The following DEFB123 variants were observed in gnomAD, a reference collection of about 807,000 sequenced individuals.
DEFB123 encodes beta-defensin 123.
For synonymous variants in DEFB123, 22 were observed against 28.3 expected (o/e 0.78, Z 0.71); for missense variants, 71 against 75.0 (o/e 0.95, Z 0.20).
At chr20:31,442,690 C>G (rs1452949269) in intron 1 of DEFB123, among the ~76,000 whole-genome samples, 1 of 147,244 alleles carries the variant, frequency 6.8e-6, no homozygotes, top group Non-Finnish European at 1.5e-5. Context: ...CTCACTGCAA[C>G]CTCCACCTCC....
At chr20:31,442,207 A>G (rs1039304980) in intron 1 of DEFB123, among the ~76,000 whole-genome samples, 9 of 152,242 alleles carry the variant, frequency 5.9e-5, no homozygotes, top group African/African-American at 1.9e-4. Flanking sequence ...TTTCTGTTTT[A>G]AAATGATTTC....
intron 1 of DEFB123, among the ~76,000 whole-genome samples, chr20:31,441,360 A>C (rs562498922): frequency 1.2e-4 from 18 of 152,190 alleles, no homozygotes; most frequent in Non-Finnish European, 1.9e-4. Flanking sequence ...GAGTCCTAAA[A>C]AGTGAGTCGA....
intron 1 of DEFB123, among the ~76,000 whole-genome samples, chr20:31,447,731 C>T (rs1979625260): frequency 6.6e-6 from 1 of 150,644 alleles, no homozygotes; most frequent in Non-Finnish European, 1.5e-5. Context: ...ATCCTCCCAC[C>T]TCAGCCTCCC....
intron 1 of DEFB123, among the ~76,000 whole-genome samples, chr20:31,444,749 A>T (rs1285378238): frequency 6.6e-6 from 1 of 152,186 alleles, no homozygotes; most frequent in Non-Finnish European, 1.5e-5. Context: ...GTGCAGCTTA[A>T]TGGAGGTTAT....
In DEFB123 at chr20:31,443,897, T is replaced by C. The variant is rs566342620; in HGVS notation, c.58+3141T>C. On this transcript the variant is annotated intron_variant, in intron 1 of 1. Transcript: ENST00000376309. ...CTGGACCCTCAGCCTTAGCCTCCTATAGCTTATGATGAAGTGGTATTGTCT... is the reference window on the plus strand; with the variant it reads ...CTGGACCCTCAGCCTTAGCCTCCTACAGCTTATGATGAAGTGGTATTGTCT... 3.9e-5 allele frequency among the ~76,000 whole-genome samples: 6 copies of C among 152,330 alleles called. No individual in the cohort carries two copies. The East Asian group carries it at 1.2e-3, about 29-fold the overall frequency.
chr20:31,446,649 G>C (rs540494207), intron 1 of DEFB123, among the ~76,000 whole-genome samples: 11 of 152,262 alleles, frequency 7.2e-5, no homozygotes, highest in Non-Finnish European at 1.2e-4. Context: ...TCTTGAATTC[G>C]TTCTAAGTTT....
intron 1 of DEFB123, among the ~76,000 whole-genome samples, chr20:31,442,379 G>T (rs1436012877): frequency 1.3e-5 from 2 of 152,148 alleles, no homozygotes; most frequent in Non-Finnish European, 2.9e-5. Flanking sequence ...CAGTTGAATG[G>T]ATTTCTTGTT....
chr20:31,441,251 C>T (rs1001690792), intron 1 of DEFB123, among the ~76,000 whole-genome samples: 2 of 152,062 alleles, frequency 1.3e-5, no homozygotes, highest in African/African-American at 2.4e-5. Flanking sequence ...CATTTATAAC[C>T]CAGGGTGACA....
chr20:31,449,917 G>A, intron 1 of DEFB123, 112 bp from the exon 2 acceptor site: 1 of 1,334,766 alleles, frequency 7.5e-7, no homozygotes, highest in Admixed American at 2.8e-5. Flanking sequence ...TCAAAGGCAA[G>A]GGAAACAAGG....
At chr20:31,442,062 G>A (rs1454586069) in intron 1 of DEFB123, among the ~76,000 whole-genome samples, 2 of 152,188 alleles carry the variant, frequency 1.3e-5, no homozygotes, top group Non-Finnish European at 2.9e-5. Context: ...TTAGTGGTGG[G>A]AGGAGCAGGA....
rs544937846 is a variant in DEFB123, at chr20:31,444,333, A to G, written c.58+3577A>G. Among the ~76,000 whole-genome samples the G allele has an allele frequency of 1.2e-4, 18 of 149,156 alleles. No homozygotes were observed. The South Asian group carries it at 3.5e-3, about 29-fold the overall frequency. On this transcript the variant is annotated intron_variant, in intron 1 of 1. Coordinates refer to ENST00000376309, the MANE Select transcript of DEFB123 (RefSeq NM_153324.4). ...CCTGAGTTCGTTCTTTATAATTTTT[A>G]TCATACTCTAGTTAATCAAATATCT... is the stretch of plus-strand genomic sequence containing the variant.
intron 1 of DEFB123, among the ~76,000 whole-genome samples, chr20:31,449,234 T>C (rs1039439246): frequency 1.3e-5 from 2 of 151,542 alleles, no homozygotes; most frequent in African/African-American, 4.9e-5. Context: ...GCCTGAAAAA[T>C]ATTTTTACAC....
rs193136778 is a variant in DEFB123, at chr20:31,443,547, G to A, written c.58+2791G>A. ...GTCTTCTGCGTTGGCAATTTCTTTCGACCAATCTGGGTATTCATAGCAAGA... is the reference window on the plus strand; with the variant it reads ...GTCTTCTGCGTTGGCAATTTCTTTCAACCAATCTGGGTATTCATAGCAAGA... On this transcript the variant is annotated intron_variant, in intron 1 of 1. Coordinates refer to ENST00000376309, the MANE Select transcript of DEFB123 (RefSeq NM_153324.4). 2.4e-4 allele frequency among the ~76,000 whole-genome samples: 36 copies of A among 152,264 alleles called. No individual in the cohort carries two copies. The East Asian group carries it at 2.7e-3, about 11-fold the overall frequency.
At chr20:31,444,588 G>A (rs1342987511) in intron 1 of DEFB123, among the ~76,000 whole-genome samples, 2 of 152,152 alleles carry the variant, frequency 1.3e-5, no homozygotes, top group Non-Finnish European at 2.9e-5. Context: ...CTAAAAAAGT[G>A]TATGAGTGTC....
At chr20:31,448,088 A>AT (rs911918371) in intron 1 of DEFB123, among the ~76,000 whole-genome samples, 31 of 151,314 alleles carry the variant, frequency 2.0e-4, no homozygotes, top group Non-Finnish European at 3.5e-4. Context: ...GTCTGGCCTA[A>AT]TTTTTTTATT....
intron 1 of DEFB123, among the ~76,000 whole-genome samples, chr20:31,446,660 T>C (rs1398757917): frequency 6.6e-6 from 1 of 152,212 alleles, no homozygotes; most frequent in East Asian, 1.9e-4. Flanking sequence ...TTCTAAGTTT[T>C]ACAGCAGACA....
In DEFB123 at chr20:31,440,684, T is replaced by G; in HGVS notation, c.-15T>G. On this transcript the variant is annotated 5_prime_UTR_variant, in exon 1 of 2. Coordinates refer to ENST00000376309, the MANE Select transcript of DEFB123 (RefSeq NM_153324.4). Reference sequence around the variant, plus strand: ...TGGCATCGGACTTGCAGCTTCATTTTGGGCTGCCTTAGCCATGAAGCTCCT... The same window carrying G: ...TGGCATCGGACTTGCAGCTTCATTTGGGGCTGCCTTAGCCATGAAGCTCCT... The G allele has an allele frequency of 1.2e-6, 2 of 1,613,694 alleles. No individual in the cohort carries two copies. Among genetic ancestry groups the G allele is most frequent in the Admixed American group, 1.7e-5 (1 of 60,028 alleles).
chr20:31,446,015 A>T (rs1979577486), intron 1 of DEFB123, among the ~76,000 whole-genome samples: 1 of 152,182 alleles, frequency 6.6e-6, no homozygotes, highest in Non-Finnish European at 1.5e-5. Flanking sequence ...AACCTTTGAT[A>T]GCTTACTTGT....
chr20:31,444,895 A>G (rs1012333910), intron 1 of DEFB123, among the ~76,000 whole-genome samples: 15 of 152,180 alleles, frequency 9.9e-5, no homozygotes, highest in Admixed American at 9.8e-4. Flanking sequence ...CTTTTATAGC[A>G]ATCAGTTCTT....
Sources: allele counts gnomAD v4.1 joint callset (sites outside exome capture counted in the v4.1 genomes callset), GRCh38; gene constraint gnomAD v4.1.1; transcripts MANE v1.5; gene names NCBI Gene and HGNC (gene_info 2026-07-23, HGNC 2026-07-21).